Variants in SORBS2 observed in about 807,000 individuals in gnomAD.
SORBS2 encodes sorbin and SH3 domain-containing protein 2.
A neutral mutation model predicts 97.7 loss-of-function variants in SORBS2; 46 were observed. The observed-to-expected ratio is 0.47, with a 90% CI of 0.37 to 0.60. The LOEUF (loss-of-function observed/expected upper bound fraction) is 0.60, where lower values mean the gene tolerates loss of function less well. Ranked by LOEUF, SORBS2 falls within the 20% of genes least tolerant of loss-of-function variation. The probability of loss-of-function intolerance (pLI) is 0.00; values close to 1 mark genes in which losing one functional copy is unlikely to be tolerated. For missense variants in SORBS2, 1,316 were observed against 1,282.3 expected (o/e 1.03, Z -0.40); for synonymous variants, 476 against 473.4 (o/e 1.01, Z -0.07).
intron 1 of SORBS2, among the ~76,000 whole-genome samples, chr4:185,850,810 G>A (rs1579186140): frequency 6.6e-6 from 1 of 152,250 alleles, no homozygotes; most frequent in South Asian, 2.1e-4. Context: ...GAAGAGATGA[G>A]CATTTGAATT....
chr4:185,647,776 T>C (rs1391488493), intron 3 of SORBS2, among the ~76,000 whole-genome samples: 1 of 152,180 alleles, frequency 6.6e-6, no homozygotes. Flanking sequence ...CAGACAGCAA[T>C]AATGTGTTGT....
intron 2 of SORBS2, among the ~76,000 whole-genome samples, chr4:185,724,400 T>G (rs1347076130): frequency 6.6e-6 from 1 of 151,974 alleles, no homozygotes; most frequent in Non-Finnish European, 1.5e-5. Flanking sequence ...TATCCTTTAA[T>G]CTAGTATTTT....
chr4:185,661,050 G>A (rs900392182), upstream of SORBS2, among the ~76,000 whole-genome samples: 14 of 152,076 alleles, frequency 9.2e-5, no homozygotes, highest in African/African-American at 3.1e-4. Flanking sequence ...CGAGGCAGGT[G>A]GATCACCTGA....
chr4:185,636,645 A>G (rs1383476747), intron 4 of SORBS2, among the ~76,000 whole-genome samples: 1 of 147,212 alleles, frequency 6.8e-6, no homozygotes, highest in African/African-American at 2.5e-5. Context: ...CCTCCAGTTG[A>G]CTATTTTTTT....
chr4:185,895,596 C>T (rs775111766), intron 1 of SORBS2, among the ~76,000 whole-genome samples: 2 of 152,210 alleles, frequency 1.3e-5, no homozygotes, highest in Non-Finnish European at 1.5e-5. Context: ...CAGTGCCCGG[C>T]TGCCTTCTTG....
intron 4 of SORBS2, among the ~76,000 whole-genome samples, chr4:185,631,124 A>G (rs2096899518): frequency 6.6e-6 from 1 of 152,226 alleles, no homozygotes; most frequent in Non-Finnish European, 1.5e-5. Context: ...CTGTCAACAT[A>G]GACATGACGT....
At chr4:185,802,408 T>C (rs1561123860) in intron 1 of SORBS2, among the ~76,000 whole-genome samples, 1 of 152,230 alleles carries the variant, frequency 6.6e-6, no homozygotes, top group Non-Finnish European at 1.5e-5. Flanking sequence ...AGTATGATTT[T>C]TTTAATATAC....
chr4:185,887,023 G>A (rs574280699), intron 1 of SORBS2, among the ~76,000 whole-genome samples: 69 of 152,318 alleles, frequency 4.5e-4, no homozygotes, highest in Non-Finnish European at 1.5e-4. Context: ...AGACAGAATA[G>A]GCTGCCTTGA....
chr4:185,614,855 T>C (rs748965542), exon 11 of SORBS2: 1 of 1,614,222 alleles, frequency 6.2e-7, no homozygotes. Flanking sequence ...GCTCCACATT[T>C]GTGTCTGCGT....
chr4:185,765,293 A>G (rs1384101363), intron 2 of SORBS2, among the ~76,000 whole-genome samples: 2 of 152,122 alleles, frequency 1.3e-5, no homozygotes, highest in Non-Finnish European at 2.9e-5. Flanking sequence ...TTTCTGATTT[A>G]TATGTTAGAT....
intron 1 of SORBS2, among the ~76,000 whole-genome samples, chr4:185,883,030 C>A (rs1376958673): frequency 6.6e-6 from 1 of 151,904 alleles, no homozygotes; most frequent in African/African-American, 2.4e-5. Flanking sequence ...AAAGCACAAT[C>A]CATAAAAGAA....
At chr4:185,789,126 T>C (rs987783550) in intron 1 of SORBS2, among the ~76,000 whole-genome samples, 7 of 152,210 alleles carry the variant, frequency 4.6e-5, no homozygotes, top group African/African-American at 7.2e-5. Context: ...GGTCAGGTCA[T>C]CTTTGTTTGG....
intron 2 of SORBS2, among the ~76,000 whole-genome samples, chr4:185,747,614 C>T (rs1270818716): frequency 2.0e-5 from 3 of 152,126 alleles, no homozygotes; most frequent in African/African-American, 7.2e-5. Context: ...CCACTGTGGC[C>T]CTGGACAGAT....
At chr4:185,727,553 T>C (rs1201804046) in intron 2 of SORBS2, among the ~76,000 whole-genome samples, 12 of 152,204 alleles carry the variant, frequency 7.9e-5, no homozygotes, top group Non-Finnish European at 1.5e-4. Flanking sequence ...TTTTATCAGA[T>C]CATGTTTACA....
chr4:185,630,470 T>G (rs1471794), intron 5 of SORBS2, 79 bp downstream of exon 17: 373,767 of 841,758 alleles, frequency 0.44, 84,467 homozygotes, highest in African/African-American at 0.57. Context: ...TACTCATTAC[T>G]ACTTCACTGA....
chr4:185,770,788 T>C (rs1444198116), intron 2 of SORBS2, among the ~76,000 whole-genome samples: 1 of 152,170 alleles, frequency 6.6e-6, no homozygotes, highest in Non-Finnish European at 1.5e-5. Flanking sequence ...TCCATTTTTC[T>C]CTGACAGTCA....
intron 1 of SORBS2, among the ~76,000 whole-genome samples, chr4:185,935,710 A>G (rs1229674269): frequency 6.6e-6 from 1 of 152,212 alleles, no homozygotes; most frequent in African/African-American, 2.4e-5. Flanking sequence ...TGAGATATGT[A>G]TATGGGTGGA....
At chr4:185,749,846 C>T (rs986087986) in intron 2 of SORBS2, among the ~76,000 whole-genome samples, 3 of 152,198 alleles carry the variant, frequency 2.0e-5, no homozygotes, top group African/African-American at 7.2e-5. Flanking sequence ...TAAACGTCCA[C>T]CCATTAGGCT....
chr4:185,708,856 G>A (rs1013337539), intron 2 of SORBS2, among the ~76,000 whole-genome samples: 2 of 152,186 alleles, frequency 1.3e-5, no homozygotes, highest in African/African-American at 4.8e-5. Flanking sequence ...AGAGTTTCAT[G>A]TTATTTTTAT....
Sources: allele counts gnomAD v4.1 joint callset (sites outside exome capture counted in the v4.1 genomes callset), GRCh38; gene constraint gnomAD v4.1.1; transcripts MANE v1.5; gene names NCBI Gene and HGNC (gene_info 2026-07-23, HGNC 2026-07-21).